Variants in ANKFN1 observed in about 807,000 individuals in gnomAD.
The protein encoded by ANKFN1 is ankyrin repeat and fibronectin type-III domain-containing protein 1.
In ANKFN1, 74 loss-of-function variants were observed where a neutral mutation model predicts 108.7. That is an observed-to-expected ratio of 0.68 (90% CI 0.56 to 0.83). ANKFN1 has a LOEUF of 0.83. Ranked by LOEUF, ANKFN1 falls within the 40% of genes least tolerant of loss-of-function variation. ANKFN1 has a pLI of 0.00. For synonymous variants in ANKFN1, 547 were observed against 516.2 expected (o/e 1.06, Z -0.81); for missense variants, 1,505 against 1,382.3 (o/e 1.09, Z -1.41).
chr17:56,061,220 T>C (rs1392688699), intron 4 of ANKFN1, among the ~76,000 whole-genome samples: 2 of 151,200 alleles, frequency 1.3e-5, no homozygotes, highest in African/African-American at 4.9e-5. Context: ...TTTATTTGCA[T>C]AGAGGTATGT....
chr17:56,349,021 T>A (rs1353871792), intron 4 of ANKFN1, among the ~76,000 whole-genome samples: 1 of 152,190 alleles, frequency 6.6e-6, no homozygotes, highest in African/African-American at 2.4e-5. Flanking sequence ...ATATGGTATA[T>A]ATACACCATG....
intron 6 of ANKFN1, among the ~76,000 whole-genome samples, chr17:56,370,676 C>T (rs138946478): frequency 5.3e-5 from 8 of 152,262 alleles, no homozygotes; most frequent in African/African-American, 1.7e-4. Flanking sequence ...GTGACACAAA[C>T]TCTGACGCCT....
intron 8 of ANKFN1, among the ~76,000 whole-genome samples, chr17:56,417,744 G>A (rs1286333872): frequency 1.3e-5 from 2 of 152,186 alleles, no homozygotes; most frequent in Admixed American, 6.5e-5. Flanking sequence ...GTCTGTGGGA[G>A]GAGGGATAAG....
At chr17:56,090,403 A>G (rs1250415345) in intron 4 of ANKFN1, among the ~76,000 whole-genome samples, 1 of 151,230 alleles carries the variant, frequency 6.6e-6, no homozygotes, top group Non-Finnish European at 1.5e-5. Flanking sequence ...GACTTATCCT[A>G]ATGAAACAAT....
At chr17:56,472,635 G>A (rs1357004469) in intron 15 of ANKFN1, 1 of 152,128 alleles carries the variant, frequency 6.6e-6, no homozygotes, top group East Asian at 1.9e-4. Context: ...AATAAGTCAA[G>A]GTCCCTACTT....
chr17:56,210,139 GT>G (rs1432560990), intron 1 of ANKFN1, among the ~76,000 whole-genome samples: 1 of 152,058 alleles, frequency 6.6e-6, no homozygotes, highest in East Asian at 1.9e-4. Context: ...TTATCCACTT[GT>G]TGACTGATGG....
At chr17:56,232,684 T>C (rs143670308) in intron 3 of ANKFN1, among the ~76,000 whole-genome samples, 44 of 152,268 alleles carry the variant, frequency 2.9e-4, no homozygotes, top group African/African-American at 9.4e-4. Context: ...AACCATGTTT[T>C]ATTCATCTTT....
At chr17:56,325,891 C>T (rs2045502018) in intron 3 of ANKFN1, among the ~76,000 whole-genome samples, 1 of 152,216 alleles carries the variant, frequency 6.6e-6, no homozygotes, top group South Asian at 2.1e-4. Context: ...CTGCTCACCC[C>T]TGAGTGACAG....
chr17:56,419,090 C>T (rs1433434082), intron 8 of ANKFN1, among the ~76,000 whole-genome samples: 2 of 152,212 alleles, frequency 1.3e-5, no homozygotes, highest in Non-Finnish European at 2.9e-5. Flanking sequence ...GGAACCAACT[C>T]ATCAGGTCAG....
At chr17:56,310,874 A>T (rs2045001626) in intron 3 of ANKFN1, among the ~76,000 whole-genome samples, 1 of 151,978 alleles carries the variant, frequency 6.6e-6, no homozygotes, top group South Asian at 2.1e-4. Flanking sequence ...GAACTTATTC[A>T]GCCTGTGTAA....
Position 56,372,669 on chromosome 17 carries a change from A to G in ANKFN1, c.625A>G (p.Met209Val), listed in dbSNP as rs2046842064. 6.2e-7 allele frequency: 1 copy of G among 1,613,112 alleles called. No homozygotes were observed. Among genetic ancestry groups the G allele is most frequent in the Non-Finnish European group, 8.5e-7 (1 of 1,179,808 alleles). The change falls in exon 7 of 21, where the codon ATG (methionine) becomes GTG (valine). Residue 209 changes from methionine (M) to valine (V), a missense_variant. Transcript: ENST00000682825. ...PHFVSLESRAMHLNTLVQEAQ... is the reference protein window; with the variant it reads ...PHFVSLESRAVHLNTLVQEAQ... ...AGTTGTCAGCCTGGAAAGCCGAGCA[A>G]TGCACCTCAACACACTGGTCCAGGA...
intron 4 of ANKFN1, among the ~76,000 whole-genome samples, chr17:56,092,193 C>A (rs1198191828): frequency 2.0e-5 from 3 of 150,732 alleles, no homozygotes; most frequent in African/African-American, 7.3e-5. Flanking sequence ...CCTAGAGGAA[C>A]CAGTAAGGAA....
At chr17:56,198,585 C>T (rs978486804) in intron 1 of ANKFN1, among the ~76,000 whole-genome samples, 3 of 152,138 alleles carry the variant, frequency 2.0e-5, no homozygotes, top group Non-Finnish European at 4.4e-5. Context: ...AAACATTTGT[C>T]CTTATTTTCT....
At chr17:56,408,565 A>G (rs1392589491) in intron 8 of ANKFN1, among the ~76,000 whole-genome samples, 2 of 152,238 alleles carry the variant, frequency 1.3e-5, no homozygotes, top group African/African-American at 2.4e-5. Context: ...CAAAAACTAC[A>G]TTCAACTCAC....
At chr17:56,217,682 T>C (rs1483394872) in intron 2 of ANKFN1, among the ~76,000 whole-genome samples, 1 of 152,130 alleles carries the variant, frequency 6.6e-6, no homozygotes, top group Non-Finnish European at 1.5e-5. Context: ...TATAGAAATT[T>C]ATTTTCCCAC....
chr17:56,170,285 C>T (rs1432946688), intron 1 of ANKFN1, among the ~76,000 whole-genome samples: 3 of 152,058 alleles, frequency 2.0e-5, no homozygotes, highest in African/African-American at 2.4e-5. Context: ...GATACCTGCC[C>T]AGAGAGTAAG....
intron 4 of ANKFN1, among the ~76,000 whole-genome samples, chr17:56,074,988 A>G (rs1214812725): frequency 6.6e-6 from 1 of 152,224 alleles, no homozygotes; most frequent in Non-Finnish European, 1.5e-5. Flanking sequence ...AGGTAAAGCA[A>G]GAAGGTGCTG....
At chr17:56,105,141 C>T (rs533124318) in intron 4 of ANKFN1, among the ~76,000 whole-genome samples, 2 of 152,092 alleles carry the variant, frequency 1.3e-5, no homozygotes, top group East Asian at 1.9e-4. Flanking sequence ...GGTAGATGAA[C>T]CTGGGTAGCA....
At chr17:56,287,968 G>T (rs2044262085) in intron 3 of ANKFN1, among the ~76,000 whole-genome samples, 1 of 152,158 alleles carries the variant, frequency 6.6e-6, no homozygotes, top group African/African-American at 2.4e-5. Context: ...CAGGCCTTCA[G>T]TAAGTTACCC....
Sources: allele counts gnomAD v4.1 joint callset (sites outside exome capture counted in the v4.1 genomes callset), GRCh38; gene constraint gnomAD v4.1.1; transcripts MANE v1.5; gene names NCBI Gene and HGNC (gene_info 2026-07-23, HGNC 2026-07-21).